HDAC4: variants seen among roughly 807,000 people sequenced by gnomAD.
The protein encoded by HDAC4 is histone deacetylase A.
HDAC4 carries 16 observed loss-of-function variants against 135.1 expected under a neutral mutation model. That is an observed-to-expected ratio of 0.12 (90% CI 0.08 to 0.18). The LOEUF is 0.18. Ranked by LOEUF, HDAC4 falls within the 10% of genes least tolerant of loss-of-function variation. HDAC4 has a pLI of 1.00. For synonymous variants in HDAC4, 685 were observed against 653.4 expected, an observed-to-expected ratio of 1.05 and a Z score of -0.74; for missense variants, 1,143 against 1,511.8, an observed-to-expected ratio of 0.76 and a Z score of 4.05.
intron 2 of HDAC4, among the ~76,000 whole-genome samples, chr2:239,275,115 C>T (rs998763710): frequency 6.6e-6 from 1 of 152,182 alleles, no homozygotes; most frequent in African/African-American, 2.4e-5. Context: ...ACCATCTCAC[C>T]CATCTCCCGT....
rs35449811 is a variant in HDAC4, at chr2:239,298,863, ATTTT to A, written c.22+53811_22+53814del. ...AAGCAACCCTTCATGGCCATAGCCT[ATTTT>A]TTTTTTTTTTTTTTTTTTTTTGAGA... is the stretch of plus-strand genomic sequence containing the variant. On this transcript the variant is annotated intron_variant, in intron 2 of 26. Coordinates refer to ENST00000543185, the MANE Select transcript of HDAC4 (RefSeq NM_001378414.1). Among the ~76,000 whole-genome samples the A allele has an allele frequency of 8.4e-5, 7 of 82,978 alleles. No individual in the cohort carries two copies. In the East Asian group the frequency reaches 1.4e-3, roughly 17 times the overall value. The allele number at this position is 82,978 out of a possible 152,430, so 54.4% of individuals were successfully genotyped here. A position where few individuals can be genotyped will look rare whatever the true frequency, so the allele number is the denominator to read the frequency against.
Position 239,257,982 on chromosome 2 carries a change from A to G in HDAC4, c.23-21318T>C, listed in dbSNP as rs2049140791. On this transcript the variant is annotated intron_variant, in intron 2 of 26. Transcript: ENST00000543185. ...TAAACAATAGTTTCAAAGTAGGAAT[A>G]TCAATAGTGTTCTAGTAACGATAAA... Among the ~76,000 whole-genome samples, 3 of 152,232 alleles carry G rather than the reference A, an allele frequency of 2.0e-5. No individual in the cohort carries two copies. The South Asian group carries it at 6.2e-4, about 31-fold the overall frequency.
chr2:239,349,394 T>G lies in HDAC4; in HGVS notation c.22+3284A>C, dbSNP rs1174769413. 6.6e-6 allele frequency among the ~76,000 whole-genome samples: 1 copy of G among 152,228 alleles called. No individual in the cohort carries two copies. The highest frequency in any genetic ancestry group is 2.4e-5 in the African/African-American group (1 of 41,470). On this transcript the variant is annotated intron_variant, in intron 2 of 26. Coordinates refer to ENST00000543185, the MANE Select transcript of HDAC4 (RefSeq NM_001378414.1). This position sits in a 1 kb window ranked among gnomAD's most constrained non-coding sequence, Gnocchi z 5.7. ...CAAGAGAGCAAACTGAATCCTTTAG[T>G]ATTAATGATTTCTCTTCCTCCCAAA...
At chr2:239,121,919 G>T (rs1018348424) in intron 12 of HDAC4, among the ~76,000 whole-genome samples, 30 of 152,214 alleles carry the variant, frequency 2.0e-4, no homozygotes, top group African/African-American at 7.2e-4. Flanking sequence ...TGCAGAGCTG[G>T]CTTTGGGAGG....
intron 1 of HDAC4, among the ~76,000 whole-genome samples, chr2:239,381,531 G>A (rs529599629): frequency 2.0e-5 from 3 of 152,326 alleles, no homozygotes; most frequent in East Asian, 3.9e-4. Context: ...GGTAAATGAT[G>A]TATGTAACTT....
At position 239,054,849 on chromosome 2, in the gene HDAC4, TAAG is replaced by T. The variant is rs753797382; in HGVS notation, c.3004-19_3004-17del. ...GAGGATCAAGCTGGAAGAAAATGCA[TAAG>T]AATATAAAGACTGCCAATATAATCC... On this transcript the variant is annotated splice_polypyrimidine_tract_variant and intron_variant, in intron 24 of 26. Coordinates refer to ENST00000543185, the MANE Select transcript of HDAC4 (RefSeq NM_001378414.1). 7.0e-6 allele frequency: 11 copies of T among 1,563,776 alleles called. No homozygotes were observed. The South Asian group carries it at 1.1e-4, about 16-fold the overall frequency.
intron 3 of HDAC4, among the ~76,000 whole-genome samples, chr2:239,205,833 C>T (rs2046013327): frequency 1.3e-5 from 2 of 152,004 alleles, no homozygotes; most frequent in African/African-American, 2.4e-5. Context: ...AAGGGGTGCT[C>T]AGTGTTAAAG....
intron 3 of HDAC4, among the ~76,000 whole-genome samples, chr2:239,201,006 C>A (rs986675831): frequency 6.6e-6 from 1 of 152,212 alleles, no homozygotes; most frequent in Non-Finnish European, 1.5e-5. Flanking sequence ...TCCTTGTCCT[C>A]TTCACTACCG....
intron 3 of HDAC4, among the ~76,000 whole-genome samples, chr2:239,206,125 C>A (rs533719040): frequency 4.6e-5 from 7 of 152,140 alleles, no homozygotes; most frequent in Admixed American, 3.9e-4. Context: ...CCCAGGAGTT[C>A]AAGACCAGCC....
intron 16 of HDAC4, among the ~76,000 whole-genome samples, chr2:239,101,959 T>C (rs1417145260): frequency 1.2e-4 from 18 of 144,440 alleles, no homozygotes; most frequent in South Asian, 1.1e-3. Context: ...GCCCAGGGTC[T>C]GGGTTCTGTG....
chr2:239,256,671 A>T (rs552777371), intron 2 of HDAC4, among the ~76,000 whole-genome samples: 1 of 152,384 alleles, frequency 6.6e-6, no homozygotes, highest in East Asian at 1.9e-4. Flanking sequence ...ACCCTGAAGC[A>T]ATGACTAGTT....
At position 239,111,515 on chromosome 2, in the gene HDAC4, C is replaced by A. The variant is rs760415277; in HGVS notation, c.1978+11G>T. On this transcript the variant is annotated intron_variant, in intron 14 of 26. Transcript: ENST00000543185. ...GTTGCACCCTCAGGCTGCACAAAGG[C>A]CACGTGTTACCTGTCGTGAACCTCG... 10 of 1,610,190 alleles carry A rather than the reference C, an allele frequency of 6.2e-6. No individual in the cohort carries two copies. Among genetic ancestry groups the A allele is most frequent in the African/African-American group, 1.3e-5 (1 of 74,896 alleles).
chr2:239,114,730 T>C (rs986004557), intron 13 of HDAC4, among the ~76,000 whole-genome samples: 1 of 152,210 alleles, frequency 6.6e-6, no homozygotes, highest in Non-Finnish European at 1.5e-5. Flanking sequence ...AAAAGCATGC[T>C]GTATCTCACT....
At chr2:239,220,980 C>A (rs2046916807) in intron 3 of HDAC4, among the ~76,000 whole-genome samples, 1 of 152,138 alleles carries the variant, frequency 6.6e-6, no homozygotes, top group Non-Finnish European at 1.5e-5. Context: ...ATGACCAAGG[C>A]GAGGTACTCC....
At chr2:239,057,152 G>A (rs762447316) in intron 24 of HDAC4, among the ~76,000 whole-genome samples, 1 of 152,208 alleles carries the variant, frequency 6.6e-6, no homozygotes, top group Non-Finnish European at 1.5e-5. Flanking sequence ...GATGTTCACA[G>A]TAGAAGACGT....
intron 6 of HDAC4, among the ~76,000 whole-genome samples, chr2:239,157,399 G>A (rs1437662718): frequency 6.6e-6 from 1 of 152,182 alleles, no homozygotes; most frequent in East Asian, 1.9e-4. Context: ...TGTGCCCAGG[G>A]AGCTGACCTA....
chr2:239,327,010 G>T (rs543234089), intron 2 of HDAC4, among the ~76,000 whole-genome samples: 2 of 152,338 alleles, frequency 1.3e-5, no homozygotes, highest in Admixed American at 1.3e-4. Context: ...GTCTGAACGA[G>T]ACCACATCAC....
intron 24 of HDAC4, among the ~76,000 whole-genome samples, chr2:239,066,108 G>T (rs2033442945): frequency 6.6e-6 from 1 of 151,522 alleles, no homozygotes; most frequent in Non-Finnish European, 1.5e-5. Flanking sequence ...CGTCATGCTG[G>T]AATGGAACGC....
chr2:239,381,465 A>T (rs1255298414), intron 1 of HDAC4, among the ~76,000 whole-genome samples: 1 of 152,194 alleles, frequency 6.6e-6, no homozygotes, highest in Non-Finnish European at 1.5e-5. Context: ...GGTACATTTT[A>T]TTCACATGCA....
Sources: gnomAD v4.1 joint callset for allele counts (sites outside exome capture counted in the v4.1 genomes callset) on GRCh38, gnomAD v4.1.1 for gene constraint, Gnocchi (gnomAD v3.1) non-coding constraint, MANE v1.5 for transcripts, NCBI Gene and HGNC (gene_info 2026-07-23, HGNC 2026-07-21) for gene names.